Variants in SERPING1 observed in about 807,000 individuals in gnomAD.
The protein encoded by SERPING1 is serpin family G member 1.
A neutral mutation model predicts 34.1 loss-of-function variants in SERPING1; 5 were observed. The observed-to-expected ratio is 0.15, with a 90% CI of 0.08 to 0.31. SERPING1 has a LOEUF of 0.31. Ranked by LOEUF, SERPING1 falls within the 10% of genes least tolerant of loss-of-function variation. The pLI is 1.00. For synonymous variants in SERPING1, 225 were observed against 242.4 expected, an observed-to-expected ratio of 0.93 and a Z score of 0.67; for missense variants, 505 against 609.5, an observed-to-expected ratio of 0.83 and a Z score of 1.81.
At chr11:57,603,044 C>A (rs1313771029) in intron 4 of SERPING1, among the ~76,000 whole-genome samples, 4 of 151,680 alleles carry the variant, frequency 2.6e-5, no homozygotes, top group African/African-American at 9.7e-5. Flanking sequence ...ACCAGCCTGG[C>A]CAACATGGCA....
intron 6 of SERPING1, chr11:57,611,466 C>G: frequency 1.8e-6 from 1 of 560,424 alleles, no homozygotes. Flanking sequence ...CATAGCTCGT[C>G]AGTGGTGGAG....
In SERPING1 at chr11:57,606,484, G is replaced by A; in HGVS notation, c.966G>A (p.Val322=). ...ACTTCAAAAACTCAGTTATAAAAGT[G>A]CCCATGATGAATAGCAAGAAGTACC... is the stretch of plus-strand genomic sequence containing the variant. The part of the protein sequence containing the change: ...PFHFKNSVIK[V]PMMNSKKYPV... The change falls in exon 6 of 8, where the codon GTG becomes GTA. Residue 322 remains valine, a synonymous_variant. Transcript: ENST00000278407. The A allele has an allele frequency of 6.2e-7, 1 of 1,614,132 alleles. No individual in the cohort carries two copies. Among genetic ancestry groups the A allele is most frequent in the Non-Finnish European group, 8.5e-7 (1 of 1,180,002 alleles).
At chr11:57,598,104 G>A in intron 1 of SERPING1, 145 bp from the exon 2 acceptor site, 1 of 605,072 alleles carries the variant, frequency 1.7e-6, no homozygotes, top group Non-Finnish European at 2.9e-6. Context: ...GAGGAGCCAG[G>A]GAGAAGGTGG....
chr11:57,612,075 T>A (rs1315215490), intron 7 of SERPING1, 139 bp downstream of exon 7: 7 of 759,490 alleles, frequency 9.2e-6, no homozygotes, highest in African/African-American at 1.7e-5. Context: ...GTTAGAGGGG[T>A]AGGTGCTATT....
At chr11:57,608,580 C>G (rs1023223218) in intron 6 of SERPING1, among the ~76,000 whole-genome samples, 3 of 152,050 alleles carry the variant, frequency 2.0e-5, no homozygotes, top group African/African-American at 7.2e-5. Flanking sequence ...TGGCACAATC[C>G]CAGCTCTCTG....
chr11:57,614,656 C>G lies in SERPING1; in HGVS notation c.*75C>G. The G allele has an allele frequency of 1.3e-6, 2 of 1,550,776 alleles. No individual in the cohort carries two copies. Reference sequence around the variant, plus strand: ...TCAGTTGCAGCCCTGCTGCTGCCTGCCTGGACTTGGCCCCTGCCACCTCCT... The same window carrying G: ...TCAGTTGCAGCCCTGCTGCTGCCTGGCTGGACTTGGCCCCTGCCACCTCCT... On this transcript the variant is annotated 3_prime_UTR_variant, in exon 8 of 8. Transcript: ENST00000278407.
rs1005510 is a variant in SERPING1 at position 57,599,749 on chromosome 11, C to T, written c.52-130C>T. 0.36 allele frequency: 461,883 copies of T among 1,287,044 alleles called. 89,490 individuals carry two copies. The highest frequency in any genetic ancestry group is 0.76 in the East Asian group (32,801 of 43,122). The allele number at this position is 1,287,044 out of a possible 1,614,324, so 79.7% of individuals were successfully genotyped here. A position where few individuals can be genotyped will look rare whatever the true frequency, so the allele number is the denominator to read the frequency against. On this transcript the variant is annotated intron_variant, in intron 2 of 7. Transcript: ENST00000278407. ...GTTCTAAGACAGATTGCTCATCTGC[C>T]GCACTGTCAGAAATTACTCTCTTGT...
chr11:57,605,899 T>C, intron 4 of SERPING1, 111 bp from the exon 5 acceptor site: 2 of 1,035,864 alleles, frequency 1.9e-6, no homozygotes, highest in Non-Finnish European at 3.1e-6. Context: ...CCATGCCGTA[T>C]TCACTAAGTG....
At chr11:57,603,327 A>G (rs1945371917) in intron 4 of SERPING1, among the ~76,000 whole-genome samples, 1 of 151,722 alleles carries the variant, frequency 6.6e-6, no homozygotes. Flanking sequence ...GCGATTCACA[A>G]GGTCAGGAGT....
At chr11:57,599,116 C>T (rs922235014) in intron 2 of SERPING1, among the ~76,000 whole-genome samples, 1 of 152,048 alleles carries the variant, frequency 6.6e-6, no homozygotes, top group African/African-American at 2.4e-5. Flanking sequence ...GGAGCTAATG[C>T]GTGGTTTCTC....
chr11:57,606,849 A>T (rs1270571822), intron 6 of SERPING1: 1 of 615,142 alleles, frequency 1.6e-6, no homozygotes, highest in South Asian at 1.5e-5. Context: ...CAGTCAACTC[A>T]TCAGAAGACT....
rs550031386 is a variant in SERPING1 at position 57,610,928 on chromosome 11, CCTT to C, written c.1030-782_1030-780del. ...TTTTGTCTGGTCACCAGTTGAAAGT[CCTT>C]CTTCTTTTTTTTTTCTCTTTTTGAG... On this transcript the variant is annotated intron_variant, in intron 6 of 7. Coordinates refer to ENST00000278407, the MANE Select transcript of SERPING1 (RefSeq NM_000062.3). 1.4e-3 allele frequency among the ~76,000 whole-genome samples: 216 copies of C among 152,178 alleles called. 1 individual carries two copies. The highest frequency in any genetic ancestry group is 4.6e-3 in the African/African-American group (190 of 41,540).
intron 6 of SERPING1, 49 bp downstream of exon 6, chr11:57,606,596 C>T: frequency 6.2e-7 from 1 of 1,607,288 alleles, no homozygotes; most frequent in Non-Finnish European, 8.5e-7. Flanking sequence ...CTTGAGTCTC[C>T]TGACTTTTTT....
chr11:57,606,195 A>G lies in SERPING1; in HGVS notation c.871A>G (p.Asn291Asp). The G allele has an allele frequency of 6.2e-7, 1 of 1,614,046 alleles. No individual in the cohort carries two copies. The highest frequency in any genetic ancestry group is 1.1e-5 in the South Asian group (1 of 91,076). ...CTCCGATACCCGCCTTGTCCTCCTC[A>G]ATGCTATCTACCTGAGTGGTAAGGG... Reference protein sequence around the residue: ...LPSDTRLVLLNAIYLSAKWKT... With the variant: ...LPSDTRLVLLDAIYLSAKWKT... The change falls in exon 5 of 8, where the codon AAT becomes GAT. Residue 291 changes from asparagine (N) to aspartate (D), a missense_variant. Coordinates refer to ENST00000278407, the MANE Select transcript of SERPING1 (RefSeq NM_000062.3).
At chr11:57,598,069 C>T in intron 1 of SERPING1, 180 bp from the exon 2 acceptor site, 1 of 570,900 alleles carries the variant, frequency 1.8e-6, no homozygotes, top group Admixed American at 3.1e-5. Context: ...GAAAGGGAAG[C>T]GGTTTGGGGA....
chr11:57,612,127 A>C (rs1945484372), intron 7 of SERPING1, among the ~76,000 whole-genome samples, 191 bp downstream of exon 7: 1 of 152,214 alleles, frequency 6.6e-6, no homozygotes, highest in African/African-American at 2.4e-5. Flanking sequence ...CAGAAGCTTT[A>C]TGTGACTTAC....
chr11:57,598,258 C>A lies in SERPING1; in HGVS notation c.-13C>A. ...CTGGCTGGCTCCGCAGGTCCGCTGA[C>A]GTCGCCGCCCAGATGGCCTCCAGGC... On this transcript the variant is annotated 5_prime_UTR_variant, in exon 2 of 8. Coordinates refer to ENST00000278407, the MANE Select transcript of SERPING1 (RefSeq NM_000062.3). 1.3e-6 allele frequency: 2 copies of A among 1,547,976 alleles called. No homozygotes were observed. The highest frequency in any genetic ancestry group is 1.7e-6 in the Non-Finnish European group (2 of 1,144,730).
Position 57,614,483 on chromosome 11 carries a change from C to A in SERPING1, c.1405C>A (p.Leu469Met), listed in dbSNP as rs1397220038. ...ASAISVARTL[L>M]VFEVQQPFLF... ...CGCCATCTCTGTGGCCCGCACCCTG[C>A]TGGTCTTTGAAGTGCAGCAGCCCTT... The change falls in exon 8 of 8, where the codon CTG becomes ATG. Residue 469 changes from leucine to methionine, a missense_variant. Transcript: ENST00000278407. 1.9e-6 allele frequency: 3 copies of A among 1,613,990 alleles called. No homozygotes were observed. The African/African-American group carries it at 4.0e-5, about 22-fold the overall frequency.
intron 6 of SERPING1, 105 bp downstream of exon 6, chr11:57,606,652 C>A: frequency 1.8e-6 from 2 of 1,124,978 alleles, no homozygotes; most frequent in Admixed American, 3.4e-5. Flanking sequence ...ACAAATTCAT[C>A]ACTTCTACTC....
Sources: allele counts gnomAD v4.1 joint callset (sites outside exome capture counted in the v4.1 genomes callset), GRCh38; gene constraint gnomAD v4.1.1; transcripts MANE v1.5; gene names NCBI Gene and HGNC (gene_info 2026-07-23, HGNC 2026-07-21).